PRKCH: variants seen among roughly 807,000 people sequenced by gnomAD.
PRKCH encodes the protein protein kinase C eta.
PRKCH carries 28 observed loss-of-function variants against 82.5 expected under a neutral mutation model. The observed-to-expected ratio is 0.34, with a 90% CI of 0.25 to 0.47. The LOEUF (loss-of-function observed/expected upper bound fraction) is 0.47. Ranked by LOEUF, PRKCH falls within the 20% of genes least tolerant of loss-of-function variation. PRKCH has a pLI of 1.00. For synonymous variants in PRKCH, 322 were observed against 327.4 expected (o/e 0.98, Z 0.18); for missense variants, 705 against 881.8 (o/e 0.80, Z 2.54).
intron 1 of PRKCH, among the ~76,000 whole-genome samples, chr14:61,365,142 T>C (rs17098278): frequency 0.11 from 17,009 of 152,082 alleles, 1,109 homozygotes; most frequent in East Asian, 0.18. Flanking sequence ...CACTGAATTA[T>C]AGCATTGGAT....
At chr14:61,527,329 T>G (rs760003145) in intron 10 of PRKCH, among the ~76,000 whole-genome samples, 1 of 152,188 alleles carries the variant, frequency 6.6e-6, no homozygotes, top group Non-Finnish European at 1.5e-5. Context: ...GTTCTCACTC[T>G]GGTTTTCCTT....
intron 10 of PRKCH, among the ~76,000 whole-genome samples, chr14:61,488,178 G>A (rs986040231): frequency 4.6e-5 from 7 of 151,446 alleles, no homozygotes; most frequent in Non-Finnish European, 1.0e-4. Flanking sequence ...AAAAAATTCG[G>A]CAGGCATGGT....
intron 1 of PRKCH, among the ~76,000 whole-genome samples, chr14:61,371,975 A>G (rs749685783): frequency 1.5e-4 from 23 of 152,064 alleles, no homozygotes; most frequent in African/African-American, 4.1e-4. Context: ...CTAATATCAC[A>G]TGATTGTGCT....
At chr14:61,437,860 G>T (rs1241895642) in intron 2 of PRKCH, among the ~76,000 whole-genome samples, 3 of 151,990 alleles carry the variant, frequency 2.0e-5, no homozygotes, top group African/African-American at 4.8e-5. Context: ...AGTTTGGGAG[G>T]CCGAGGCAGG....
intron 2 of PRKCH, among the ~76,000 whole-genome samples, chr14:61,431,124 A>G (rs1370526020): frequency 6.6e-6 from 1 of 152,178 alleles, no homozygotes; most frequent in Non-Finnish European, 1.5e-5. Context: ...AAGAGACAAA[A>G]TGGTGGAGTT....
At chr14:61,376,087 G>A (rs866881809) in intron 1 of PRKCH, among the ~76,000 whole-genome samples, 1 of 150,080 alleles carries the variant, frequency 6.7e-6, no homozygotes, top group Admixed American at 6.6e-5. Context: ...TGGTACTCAA[G>A]GCCTTTAATG....
Position 61,210,090 on chromosome 14 carries a change from A to AC in PRKCH, c.-19+22422_-19+22423insC, listed in dbSNP as rs71114199. 5.8e-4 allele frequency among the ~76,000 whole-genome samples: 72 copies of AC among 124,960 alleles called. 1 individual carries two copies. The highest frequency in any genetic ancestry group is 1.5e-3 in the African/African-American group (50 of 33,410). The allele number at this position is 124,960 out of a possible 152,430, so 82.0% of individuals were successfully genotyped here. ...TGTCTCTACTAAAACAAAAACAAAAAACAAAACAAACAAACAAACAAATAT... is the reference window on the plus strand; with the variant it reads ...TGTCTCTACTAAAACAAAAACAAAAACACAAAACAAACAAACAAACAAATAT... On this transcript the variant is annotated intron_variant, in intron 1 of 3. Transcript: ENST00000555185.
chr14:61,546,003 T>G (rs1291785555), intron 12 of PRKCH, among the ~76,000 whole-genome samples: 1 of 152,244 alleles, frequency 6.6e-6, no homozygotes, highest in Admixed American at 6.5e-5. Context: ...CATCTGGGTG[T>G]GTTCTGCCGT....
intron 1 of PRKCH, among the ~76,000 whole-genome samples, chr14:61,286,593 A>G (rs2045315747): frequency 6.6e-6 from 1 of 151,892 alleles, no homozygotes; most frequent in Non-Finnish European, 1.5e-5. Flanking sequence ...TCTGACCAAC[A>G]TGGAGAAACT....
chr14:61,286,091 C>A (rs896733166), intron 1 of PRKCH, among the ~76,000 whole-genome samples: 13 of 152,176 alleles, frequency 8.5e-5, no homozygotes, highest in Admixed American at 2.6e-4. Flanking sequence ...GCATGTAGTT[C>A]ATTTAATTCA....
At chr14:61,289,097 A>C (rs555292659) in intron 1 of PRKCH, among the ~76,000 whole-genome samples, 2 of 152,268 alleles carry the variant, frequency 1.3e-5, no homozygotes, top group Non-Finnish European at 2.9e-5. Flanking sequence ...TGACTCTGGC[A>C]CCAGTGCTGT....
intron 2 of PRKCH, among the ~76,000 whole-genome samples, chr14:61,435,186 A>G (rs554876238): frequency 1.3e-5 from 2 of 152,212 alleles, no homozygotes; most frequent in South Asian, 2.1e-4. Context: ...TAATACGCTT[A>G]TCGTTGGTTT....
At chr14:61,501,975 A>AT (rs942949310) in intron 10 of PRKCH, among the ~76,000 whole-genome samples, 1 of 151,082 alleles carries the variant, frequency 6.6e-6, no homozygotes, top group Non-Finnish European at 1.5e-5. Context: ...AAGAACAGAG[A>AT]TTTTTTCCTA....
At chr14:61,302,887 G>A (rs1247174336) in intron 1 of PRKCH, 1 of 152,034 alleles carries the variant, frequency 6.6e-6, no homozygotes. Context: ...TTATCAATTA[G>A]GTTAAGTTGG....
intron 10 of PRKCH, among the ~76,000 whole-genome samples, chr14:61,494,990 G>A (rs542986784): frequency 6.6e-6 from 1 of 152,356 alleles, no homozygotes; most frequent in South Asian, 2.1e-4. Flanking sequence ...TGTACAACCT[G>A]AAGACTATAC....
At chr14:61,299,821 G>A (rs1370450199) in intron 1 of PRKCH, 1 of 152,086 alleles carries the variant, frequency 6.6e-6, no homozygotes, top group African/African-American at 2.4e-5. Flanking sequence ...AATCAAACTA[G>A]AGCTCTGCAA....
At chr14:61,365,177 G>A (rs2046282744) in intron 1 of PRKCH, among the ~76,000 whole-genome samples, 1 of 152,000 alleles carries the variant, frequency 6.6e-6, no homozygotes, top group Non-Finnish European at 1.5e-5. Context: ...ACTTCATTTT[G>A]GTGTTTGAGA....
At chr14:61,265,160 C>A (rs894383503) in intron 1 of PRKCH, among the ~76,000 whole-genome samples, 1 of 152,182 alleles carries the variant, frequency 6.6e-6, no homozygotes, top group African/African-American at 2.4e-5. Flanking sequence ...TGAACCCTTG[C>A]AATTTTGACA....
At position 61,395,321 on chromosome 14, in the gene PRKCH, G is replaced by C. The variant is rs1323202312; in HGVS notation, c.427+4033G>C. ...CCCCGCATTTGCCTGCCACAGCTGT[G>C]GCAGCAACCTGGACCTGGCACTGAG... On this transcript the variant is annotated intron_variant, in intron 2 of 13. Transcript: ENST00000332981. 4.9e-5 allele frequency among the ~76,000 whole-genome samples: 7 copies of C among 141,964 alleles called. No homozygotes were observed. In the Admixed American group the frequency reaches 5.3e-4, roughly 11 times the overall value. The allele number at this position is 141,964 out of a possible 152,430, so 93.1% of individuals were successfully genotyped here.
Sources: gnomAD v4.1 joint callset for allele counts (sites outside exome capture counted in the v4.1 genomes callset) on GRCh38, gnomAD v4.1.1 for gene constraint, MANE v1.5 for transcripts, NCBI Gene and HGNC (gene_info 2026-07-23, HGNC 2026-07-21) for gene names.